Variants in NLGN4Y observed in about 807,000 individuals in gnomAD.
NLGN4Y encodes the protein neuroligin 4 Y-linked, also known as neuroligin-4, Y-linked.
NLGN4Y carries 4 observed loss-of-function variants against 8.4 expected under a neutral mutation model. The ratio of observed to expected loss-of-function variants is 0.48; its 90% CI spans 0.23 to 1.09. The LOEUF is 1.09. Ranked by LOEUF, NLGN4Y falls within the 50% of genes least tolerant of loss-of-function variation. The probability of loss-of-function intolerance (pLI) is 0.19; values close to 1 mark genes in which losing one functional copy is unlikely to be tolerated. For synonymous variants in NLGN4Y, 35 were observed against 75.6 expected (o/e 0.46, Z 2.78); for missense variants, 90 against 192.3 (o/e 0.47, Z 3.15).
chrY:14,800,976 T>G, intron 4 of NLGN4Y, among the ~76,000 whole-genome samples: 1 of 32,307 alleles, frequency 3.1e-5, no homozygotes, highest in South Asian at 6.7e-4. Flanking sequence ...TTCATCATGA[T>G]ACCCAGAATA....
chrY:14,719,554 A>G, intron 3 of NLGN4Y, 36 bp downstream of exon 3: 1 of 181,470 alleles, frequency 5.5e-6, no homozygotes, highest in Non-Finnish European at 9.0e-6. Context: ...ACCCTGATGC[A>G]TGATTTTATG....
chrY:14,723,362 A>G, intron 4 of NLGN4Y, 93 bp downstream of exon 4: 1 of 275,080 alleles, frequency 3.6e-6, no homozygotes, highest in African/African-American at 7.4e-5. Flanking sequence ...GAATCCCGTT[A>G]TTACAGTTCC....
intron 1 of NLGN4Y, among the ~76,000 whole-genome samples, chrY:14,584,606 A>C: frequency 9.0e-5 from 3 of 33,412 alleles, no homozygotes; most frequent in African/African-American, 2.3e-4. Context: ...ATAGGTAGAC[A>C]TGCAGGTGAT....
chrY:14,524,512 G>T, upstream of NLGN4Y: 1 of 119,130 alleles, frequency 8.4e-6, no homozygotes, highest in South Asian at 3.9e-5. Context: ...AACTGAAAGC[G>T]AAGATCAGCC....
chrY:14,631,320 A>C, intron 2 of NLGN4Y, among the ~76,000 whole-genome samples: 2 of 33,469 alleles, frequency 6.0e-5, no homozygotes, highest in African/African-American at 2.3e-4. Context: ...CAATGAAAAA[A>C]AAATCCCCTA....
intron 1 of NLGN4Y, among the ~76,000 whole-genome samples, chrY:14,602,494 G>A: frequency 3.0e-5 from 1 of 33,048 alleles, no homozygotes; most frequent in South Asian, 6.9e-4. Flanking sequence ...CCCTTGCTAT[G>A]TTATTTCAGG....
chrY:14,803,106 A>G, intron 4 of NLGN4Y, among the ~76,000 whole-genome samples: 1 of 23,383 alleles, frequency 4.3e-5, no homozygotes, highest in Non-Finnish European at 8.7e-5. Flanking sequence ...AGAACATAAT[A>G]TAAATTTGTA....
intron 1 of NLGN4Y, among the ~76,000 whole-genome samples, chrY:14,538,699 G>A (rs2150463830): frequency 6.0e-5 from 2 of 33,323 alleles, no homozygotes; most frequent in South Asian, 6.7e-4. Context: ...AAGGGATAAT[G>A]CCTTTTTTCA....
At chrY:14,608,584 C>T (rs759242483) in intron 1 of NLGN4Y, among the ~76,000 whole-genome samples, 1 of 32,357 alleles carries the variant, frequency 3.1e-5, no homozygotes, top group East Asian at 8.2e-4. Context: ...TTACCAGTAC[C>T]GTGCTGTTTT....
chrY:14,645,670 G>T, intron 2 of NLGN4Y, among the ~76,000 whole-genome samples: 1 of 33,436 alleles, frequency 3.0e-5, no homozygotes, highest in African/African-American at 1.2e-4. Flanking sequence ...TGGGCAAAAA[G>T]AAATTATTAG....
chrY:14,809,862 T>A (rs2043071384), intron 4 of NLGN4Y, among the ~76,000 whole-genome samples: 1 of 34,116 alleles, frequency 2.9e-5, no homozygotes, highest in African/African-American at 1.1e-4. Context: ...TGTTTGTTTT[T>A]AAAATTACAA....
chrY:14,818,058 G>C, intron 4 of NLGN4Y, among the ~76,000 whole-genome samples: 1 of 32,119 alleles, frequency 3.1e-5, no homozygotes, highest in East Asian at 8.4e-4. Flanking sequence ...TTGTTTATGA[G>C]CTTCAGACCT....
intron 4 of NLGN4Y, among the ~76,000 whole-genome samples, chrY:14,737,461 C>T: frequency 3.0e-5 from 1 of 33,328 alleles, no homozygotes; most frequent in South Asian, 6.6e-4. Flanking sequence ...GTATAGGACA[C>T]ACTAATTTAC....
chrY:14,597,219 T>C, intron 1 of NLGN4Y, among the ~76,000 whole-genome samples: 1 of 32,719 alleles, frequency 3.1e-5, no homozygotes, highest in Admixed American at 2.8e-4. Flanking sequence ...GGAGTGAAGC[T>C]GCAGATCTTC....
chrY:14,773,345 T>C (rs2081113238), intron 4 of NLGN4Y, among the ~76,000 whole-genome samples: 1 of 32,724 alleles, frequency 3.1e-5, no homozygotes, highest in Admixed American at 2.8e-4. Context: ...ATAAAATACC[T>C]GGGAATAAAA....
chrY:14,709,368 A>G (rs2080892934), intron 2 of NLGN4Y, among the ~76,000 whole-genome samples: 2 of 33,670 alleles, frequency 5.9e-5, no homozygotes, highest in Non-Finnish European at 1.5e-4. Context: ...ACCTATCTCT[A>G]TCTAATCAAT....
chrY:14,835,197 G>A, intron 6 of NLGN4Y, among the ~76,000 whole-genome samples: 7 of 32,838 alleles, frequency 2.1e-4, no homozygotes, highest in Admixed American at 2.0e-3. Flanking sequence ...CATATACCTG[G>A]TATGCATATA....
At chrY:14,603,755 A>G in intron 1 of NLGN4Y, among the ~76,000 whole-genome samples, 2 of 33,299 alleles carry the variant, frequency 6.0e-5, no homozygotes, top group Non-Finnish European at 1.5e-4. Flanking sequence ...GAATCTGCAA[A>G]TTATTTGACT....
At chrY:14,767,139 T>C in intron 4 of NLGN4Y, among the ~76,000 whole-genome samples, 1 of 33,320 alleles carries the variant, frequency 3.0e-5, no homozygotes, top group African/African-American at 1.2e-4. Context: ...TCTATCTTTT[T>C]GCAGCTTTGT....
Sources: gnomAD v4.1 joint callset for allele counts (sites outside exome capture counted in the v4.1 genomes callset) on GRCh38, gnomAD v4.1.1 for gene constraint, MANE v1.5 for transcripts, NCBI Gene and HGNC (gene_info 2026-07-23, HGNC 2026-07-21) for gene names.